TP63: variants seen among roughly 807,000 people sequenced by gnomAD.
The protein encoded by TP63 is tumor protein p63.
Under a neutral mutation model 82.8 loss-of-function variants are expected in TP63, and 17 were observed. The ratio of observed to expected loss-of-function variants is 0.21; its 90% CI spans 0.14 to 0.31. TP63 has a LOEUF of 0.31. Ranked by LOEUF, TP63 falls within the 10% of genes least tolerant of loss-of-function variation. The pLI, the probability that TP63 is intolerant of heterozygous loss-of-function variation, is 1.00. For synonymous variants in TP63, 330 were observed against 321.7 expected, an observed-to-expected ratio of 1.03 and a Z score of -0.28; for missense variants, 648 against 895.3, an observed-to-expected ratio of 0.72 and a Z score of 3.52.
At chr3:189,611,332 G>C in the TP63 span, among the ~76,000 whole-genome samples, 2 of 152,148 alleles carry the variant, frequency 1.3e-5, no homozygotes. Flanking sequence ...ATGGTTTAAG[G>C]AAGGAGTTCA....
At chr3:189,731,753 T>A (rs1720191218) in intron 1 of TP63, among the ~76,000 whole-genome samples, 1 of 151,942 alleles carries the variant, frequency 6.6e-6, no homozygotes, top group Non-Finnish European at 1.5e-5. Context: ...AAAAAAAAAA[T>A]TGACTTCGGG....
intron 1 of TP63, among the ~76,000 whole-genome samples, chr3:189,654,329 T>C (rs1713142478): frequency 1.3e-5 from 2 of 152,042 alleles, no homozygotes; most frequent in Admixed American, 1.3e-4. Flanking sequence ...TATAGATTAT[T>C]AAACTGAAAT....
At chr3:189,659,745 C>G (rs866351174) in intron 1 of TP63, among the ~76,000 whole-genome samples, 1 of 152,010 alleles carries the variant, frequency 6.6e-6, no homozygotes, top group African/African-American at 2.4e-5. Context: ...AATAGAAATT[C>G]TAAATGGTAT....
chr3:189,779,186 A>G (rs1724039995), intron 3 of TP63, among the ~76,000 whole-genome samples: 1 of 152,226 alleles, frequency 6.6e-6, no homozygotes, highest in Non-Finnish European at 1.5e-5. Flanking sequence ...CTTTGCTGGA[A>G]ATTACCTATA....
intron 1 of TP63, among the ~76,000 whole-genome samples, chr3:189,643,334 C>T (rs1218268479): frequency 1.3e-5 from 2 of 152,096 alleles, no homozygotes; most frequent in African/African-American, 4.8e-5. Flanking sequence ...GTCTATTCTC[C>T]CTCTGGAAAT....
In TP63 at chr3:189,645,361, T is replaced by C. The variant is rs550329242; in HGVS notation, c.62+13784T>C. ...TCTTGAAGTCTAGTAAGCAGAACTGTACTGGGTATTCCAGCTGCAGTTTGG... is the reference window on the plus strand; with the variant it reads ...TCTTGAAGTCTAGTAAGCAGAACTGCACTGGGTATTCCAGCTGCAGTTTGG... On this transcript the variant is annotated intron_variant, in intron 1 of 13. Coordinates refer to ENST00000264731, the MANE Select transcript of TP63 (RefSeq NM_003722.5). 45 of 529,266 alleles carry C rather than the reference T, an allele frequency of 8.5e-5. No individual in the cohort carries two copies. The East Asian group carries it at 1.3e-3, about 16-fold the overall frequency. The allele number at this position is 529,266 out of a possible 1,614,324, so 32.8% of individuals were successfully genotyped here.
chr3:189,744,725 G>A (rs1337721332), intron 3 of TP63, among the ~76,000 whole-genome samples: 1 of 152,178 alleles, frequency 6.6e-6, no homozygotes, highest in Non-Finnish European at 1.5e-5. Flanking sequence ...CATGCCAGCT[G>A]CCCAGGGGCT....
intron 4 of TP63, among the ~76,000 whole-genome samples, chr3:189,856,444 C>T (rs547671577): frequency 4.7e-5 from 7 of 148,504 alleles, no homozygotes; most frequent in East Asian, 3.9e-4. Context: ...TAGAAAAAAA[C>T]GTGAAAGTCT....
chr3:189,743,386 GGCAAT>G (rs1721140043), intron 3 of TP63, among the ~76,000 whole-genome samples: 1 of 152,142 alleles, frequency 6.6e-6, no homozygotes, highest in Admixed American at 6.5e-5. Flanking sequence ...TACATTGGAA[GGCAAT>G]TTGTCCATTC....
intron 1 of TP63, among the ~76,000 whole-genome samples, chr3:189,634,053 A>C (rs952537691): frequency 2.6e-5 from 4 of 152,130 alleles, no homozygotes; most frequent in Admixed American, 2.0e-4. Context: ...TAGTATGATA[A>C]TGTATATGGT....
Position 189,847,344 on chromosome 3 carries a change from C to T in TP63, c.580-16888C>T, listed in dbSNP as rs200304050. 1.2e-4 allele frequency among the ~76,000 whole-genome samples: 18 copies of T among 152,218 alleles called. 1 individual carries two copies. In the East Asian group the frequency reaches 2.7e-3, roughly 23 times the overall value. On this transcript the variant is annotated intron_variant, in intron 4 of 13. Coordinates refer to ENST00000264731, the MANE Select transcript of TP63 (RefSeq NM_003722.5). ...TTGCACTCCAGCCTGGGTGACAGAGCGAAGCTCAGTCTTAGAATAACAAAA... is the reference window on the plus strand; with the variant it reads ...TTGCACTCCAGCCTGGGTGACAGAGTGAAGCTCAGTCTTAGAATAACAAAA...
At chr3:189,646,078 C>T (rs888223449) in intron 1 of TP63, among the ~76,000 whole-genome samples, 2 of 147,130 alleles carry the variant, frequency 1.4e-5, no homozygotes, top group Non-Finnish European at 3.0e-5. Context: ...GGATCTAATC[C>T]AGTGGTTCCC....
At chr3:189,885,933 C>A (rs887811703) in intron 10 of TP63, among the ~76,000 whole-genome samples, 1 of 152,152 alleles carries the variant, frequency 6.6e-6, no homozygotes, top group South Asian at 2.1e-4. Context: ...TCTGCATATC[C>A]CAAATGGAAT....
the TP63 span, among the ~76,000 whole-genome samples, chr3:189,609,548 A>C: frequency 6.6e-6 from 1 of 151,998 alleles, no homozygotes; most frequent in African/African-American, 2.4e-5. Flanking sequence ...TCCCCCTTGA[A>C]GTATCCCCCA....
chr3:189,852,700 A>G (rs1715800643), intron 4 of TP63, among the ~76,000 whole-genome samples: 2 of 152,236 alleles, frequency 1.3e-5, no homozygotes, highest in Admixed American at 1.3e-4. Flanking sequence ...CAAAGAACTG[A>G]TTAGGTCTTT....
chr3:189,856,549 G>A (rs1716315743), intron 4 of TP63, among the ~76,000 whole-genome samples: 1 of 151,938 alleles, frequency 6.6e-6, no homozygotes. Context: ...TTAAAGGTAT[G>A]CAGATTTGAA....
chr3:189,635,117 C>T (rs964922931), intron 1 of TP63, among the ~76,000 whole-genome samples: 3 of 151,934 alleles, frequency 2.0e-5, no homozygotes, highest in Admixed American at 6.6e-5. Context: ...CAATTTGAAC[C>T]ACCAGTAAAA....
intron 3 of TP63, among the ~76,000 whole-genome samples, chr3:189,776,419 A>C (rs560527839): frequency 6.6e-6 from 1 of 152,312 alleles, no homozygotes; most frequent in African/African-American, 2.4e-5. Context: ...GGGTGAATAC[A>C]TGTATAGCCC....
the TP63 span, among the ~76,000 whole-genome samples, chr3:189,613,489 C>A: frequency 6.6e-6 from 1 of 152,208 alleles, no homozygotes; most frequent in Non-Finnish European, 1.5e-5. Context: ...ATGAGCAGGG[C>A]CCTCATGGAG....
Sources: allele counts gnomAD v4.1 joint callset (sites outside exome capture counted in the v4.1 genomes callset), GRCh38; gene constraint gnomAD v4.1.1; transcripts MANE v1.5; gene names NCBI Gene and HGNC (gene_info 2026-07-23, HGNC 2026-07-21).